Variants in CAPS2 observed in about 807,000 individuals in gnomAD.
The protein encoded by CAPS2 is calcyphosine 2.
A neutral mutation model predicts 86.5 loss-of-function variants in CAPS2; 98 were observed. The ratio of observed to expected loss-of-function variants is 1.13; its 90% confidence interval spans 0.96 to 1.34. CAPS2 has a LOEUF of 1.34. Ranked by LOEUF, CAPS2 falls within the 40% of genes most tolerant of loss-of-function variation. The pLI is 0.00. For synonymous variants in CAPS2, 210 were observed against 225.1 expected, an observed-to-expected ratio of 0.93 and a Z score of 0.60; for missense variants, 729 against 686.8, an observed-to-expected ratio of 1.06 and a Z score of -0.69.
chr12:75,343,272 ATTATCT>A (rs1286338995), intron 1 of CAPS2, among the ~76,000 whole-genome samples: 2 of 152,012 alleles, frequency 1.3e-5, no homozygotes, highest in Admixed American at 6.5e-5. Flanking sequence ...TTGTTTGTAG[ATTATCT>A]TTATCAAATT....
intron 1 of CAPS2, among the ~76,000 whole-genome samples, chr12:75,380,685 C>T (rs576904125): frequency 1.3e-4 from 20 of 152,236 alleles, no homozygotes; most frequent in African/African-American, 4.8e-4. Context: ...TAATACCTAA[C>T]AGTAGGTATT....
chr12:75,306,657 C>T (rs542354208), intron 7 of CAPS2, among the ~76,000 whole-genome samples: 1 of 152,156 alleles, frequency 6.6e-6, no homozygotes, highest in South Asian at 2.1e-4. Context: ...AGAAAGTTTC[C>T]ATCTTATTCT....
chr12:75,366,407 C>T (rs1307399509), intron 1 of CAPS2, among the ~76,000 whole-genome samples: 2 of 152,114 alleles, frequency 1.3e-5, no homozygotes, highest in East Asian at 3.9e-4. Flanking sequence ...AACTTAGGAA[C>T]TCTTGAGTTG....
At chr12:75,343,972 A>T (rs375173844) in intron 1 of CAPS2, 22 of 1,506,810 alleles carry the variant, frequency 1.5e-5, no homozygotes, top group Admixed American at 2.0e-5. Flanking sequence ...ATTAGTTCTT[A>T]TTTGTGCATA....
chr12:75,332,138 CTATA>C (rs1593607325), upstream of CAPS2, among the ~76,000 whole-genome samples: 1 of 152,258 alleles, frequency 6.6e-6, no homozygotes, highest in East Asian at 1.9e-4. Context: ...TTATGTTTGA[CTATA>C]TATACTCTAC....
chr12:75,304,897 T>C, intron 7 of CAPS2, 21 bp from the exon 8 acceptor site: 1 of 1,601,484 alleles, frequency 6.2e-7, no homozygotes. Context: ...AAATAAAAAG[T>C]CCAACAATTA....
At chr12:75,333,738 A>AT (rs1264334801), upstream of CAPS2, 3 of 152,222 alleles carry the variant, frequency 2.0e-5, no homozygotes, top group African/African-American at 7.2e-5. Context: ...ATGGCGGATC[A>AT]TTCAGCAGAT....
At chr12:75,383,661 TCAA>T (rs1291068911) in intron 1 of CAPS2, among the ~76,000 whole-genome samples, 6 of 152,104 alleles carry the variant, frequency 3.9e-5, no homozygotes, top group African/African-American at 1.4e-4. Flanking sequence ...ATAGTTAAAC[TCAA>T]CAACAACATC....
intron 8 of CAPS2, among the ~76,000 whole-genome samples, chr12:75,303,923 C>T (rs2038128855): frequency 6.6e-6 from 1 of 152,080 alleles, no homozygotes; most frequent in South Asian, 2.1e-4. Context: ...GGGCCATGAG[C>T]CAAGGAATGA....
At chr12:75,369,758 T>A (rs2044234622) in intron 1 of CAPS2, 1 of 984,904 alleles carries the variant, frequency 1.0e-6, no homozygotes, top group Non-Finnish European at 1.2e-6. Context: ...TTAGAAATAT[T>A]TGTTGACATA....
At chr12:75,293,397 G>A (rs765010062) in intron 11 of CAPS2, 30 bp from the exon 12 acceptor site, 1 of 1,358,808 alleles carries the variant, frequency 7.4e-7, no homozygotes, top group South Asian at 1.2e-5. Flanking sequence ...AATGAAGCTA[G>A]AAAGCATGTA....
intron 1 of CAPS2, chr12:75,343,563 TA>T: frequency 1.4e-6 from 1 of 721,154 alleles, no homozygotes; most frequent in Non-Finnish European, 2.2e-6. Flanking sequence ...ATGCACATAA[TA>T]AATACCAAAG....
At chr12:75,349,112 A>T (rs1481891695) in intron 1 of CAPS2, among the ~76,000 whole-genome samples, 1 of 152,190 alleles carries the variant, frequency 6.6e-6, no homozygotes, top group East Asian at 1.9e-4. Flanking sequence ...ATATTCCTAG[A>T]GTATTGATTA....
chr12:75,290,585 C>A (rs1007829173), intron 13 of CAPS2, among the ~76,000 whole-genome samples: 2 of 152,070 alleles, frequency 1.3e-5, no homozygotes, highest in East Asian at 3.9e-4. Context: ...TTACTGTGAG[C>A]CCCTTATCTT....
intron 1 of CAPS2, among the ~76,000 whole-genome samples, chr12:75,358,686 GTTTC>G (rs1355636501): frequency 1.4e-5 from 2 of 145,042 alleles, no homozygotes; most frequent in East Asian, 2.0e-4. Flanking sequence ...ACATATTTGT[GTTTC>G]TTTTTGTTTT....
At chr12:75,330,502 A>G (rs751698096), upstream of CAPS2, among the ~76,000 whole-genome samples, 2 of 152,272 alleles carry the variant, frequency 1.3e-5, no homozygotes, top group Non-Finnish European at 2.9e-5. Flanking sequence ...CACAGAGCCC[A>G]GAATGACGTT....
At chr12:75,343,780 A>C in intron 1 of CAPS2, 1 of 1,613,232 alleles carries the variant, frequency 6.2e-7, no homozygotes. Flanking sequence ...TAAATCATAT[A>C]AATGCTATGC....
chr12:75,363,764 C>T (rs1302913839), intron 1 of CAPS2, among the ~76,000 whole-genome samples: 1 of 152,108 alleles, frequency 6.6e-6, no homozygotes, highest in African/African-American at 2.4e-5. Context: ...TGACCAATGG[C>T]CTGTGAGACA....
chr12:75,343,947 T>A (rs1404377528), intron 1 of CAPS2: 3 of 1,589,814 alleles, frequency 1.9e-6, no homozygotes, highest in Non-Finnish European at 2.6e-6. Context: ...AGGTAAATAT[T>A]TGACATCTTT....
Sources: gnomAD v4.1 joint callset for allele counts (sites outside exome capture counted in the v4.1 genomes callset) on GRCh38, gnomAD v4.1.1 for gene constraint, MANE v1.5 for transcripts, NCBI Gene and HGNC (gene_info 2026-07-23, HGNC 2026-07-21) for gene names.